FRMD5: variants seen among roughly 807,000 people sequenced by gnomAD.
FRMD5 encodes the protein FERM domain-containing protein 5.
Under a neutral mutation model 69.0 loss-of-function variants are expected in FRMD5, and 20 were observed. The ratio of observed to expected loss-of-function variants is 0.29; its 90% CI spans 0.20 to 0.42. The LOEUF is 0.42. Among genes scored for constraint, FRMD5 ranks in the 10% least tolerant of loss-of-function variants. The probability of loss-of-function intolerance (pLI) is 1.00; values close to 1 mark genes in which losing one functional copy is unlikely to be tolerated. For missense variants in FRMD5, 595 were observed against 708.6 expected (o/e 0.84, Z 1.82); for synonymous variants, 271 against 260.1 (o/e 1.04, Z -0.40).
chr15:44,128,696 T>C (rs190196717), intron 1 of FRMD5, among the ~76,000 whole-genome samples: 33 of 152,192 alleles, frequency 2.2e-4, no homozygotes, highest in Admixed American at 5.2e-4. Context: ...CAGTAAATAA[T>C]ATGACTACTT....
At chr15:44,127,572 T>C (rs1004592111) in intron 1 of FRMD5, among the ~76,000 whole-genome samples, 10 of 152,088 alleles carry the variant, frequency 6.6e-5, no homozygotes, top group African/African-American at 2.2e-4. Context: ...TCAATTATAT[T>C]TATTAATAAA....
chr15:44,011,682 G>A (rs1890728956), intron 1 of FRMD5, among the ~76,000 whole-genome samples: 1 of 152,064 alleles, frequency 6.6e-6, no homozygotes, highest in African/African-American at 2.4e-5. Context: ...GGAAAGAGAA[G>A]GGTAAAGGGC....
intron 1 of FRMD5, among the ~76,000 whole-genome samples, chr15:44,069,264 T>C (rs1291288267): frequency 1.3e-5 from 2 of 152,184 alleles, no homozygotes; most frequent in Non-Finnish European, 2.9e-5. Flanking sequence ...GGGAAACAGT[T>C]TGGCAGTTTC....
intron 1 of FRMD5, among the ~76,000 whole-genome samples, chr15:44,187,156 TGAAGA>T (rs2140592774): frequency 6.6e-6 from 1 of 152,356 alleles, no homozygotes; most frequent in African/African-American, 2.4e-5. Context: ...AAACTGATCC[TGAAGA>T]GAAGAGTCCT....
chr15:43,885,284 C>G (rs1464827611), intron 11 of FRMD5, among the ~76,000 whole-genome samples: 1 of 152,140 alleles, frequency 6.6e-6, no homozygotes, highest in African/African-American at 2.4e-5. Context: ...GCAATTCTCC[C>G]ACCTCAGCCT....
intron 1 of FRMD5, among the ~76,000 whole-genome samples, chr15:44,052,942 G>A (rs1424040314): frequency 6.6e-6 from 1 of 152,216 alleles, no homozygotes; most frequent in East Asian, 1.9e-4. Context: ...TCCATGGTCT[G>A]GTAAGAGAGA....
intron 1 of FRMD5, chr15:43,988,968 T>C (rs1455808855): frequency 7.7e-6 from 5 of 645,906 alleles, no homozygotes; most frequent in Non-Finnish European, 1.4e-5. Flanking sequence ...CAAAACAAAA[T>C]AAAAAAAACA....
chr15:43,883,569 ACCT>A (rs1446295611), intron 13 of FRMD5, 131 bp downstream of exon 13: 4 of 645,006 alleles, frequency 6.2e-6, no homozygotes, highest in African/African-American at 1.8e-5. Flanking sequence ...ACTGGATAAA[ACCT>A]CCTACTTGCC....
intron 6 of FRMD5, among the ~76,000 whole-genome samples, 157 bp from the exon 7 acceptor site, chr15:43,902,419 G>C (rs75349296): frequency 6.6e-6 from 1 of 152,146 alleles, no homozygotes; most frequent in African/African-American, 2.4e-5. Flanking sequence ...CGAGACTCCT[G>C]CTAGAGTCTC....
intron 1 of FRMD5, among the ~76,000 whole-genome samples, chr15:44,011,078 G>A (rs1890696208): frequency 6.6e-6 from 1 of 152,030 alleles, no homozygotes; most frequent in Admixed American, 6.6e-5. Flanking sequence ...GTGGCAGTGG[G>A]GTCTTGTTGC....
intron 8 of FRMD5, 61 bp downstream of exon 8, chr15:43,891,920 C>G: frequency 2.2e-6 from 3 of 1,385,618 alleles, no homozygotes; most frequent in Non-Finnish European, 3.1e-6. Flanking sequence ...GACACGGGAA[C>G]CGTCGCCCCT....
At chr15:43,932,987 A>G (rs187886657) in intron 1 of FRMD5, among the ~76,000 whole-genome samples, 29 of 152,356 alleles carry the variant, frequency 1.9e-4, no homozygotes, top group African/African-American at 5.3e-4. Flanking sequence ...TCTGAAGAAG[A>G]GTTCCATGGT....
intron 4 of FRMD5, among the ~76,000 whole-genome samples, chr15:43,912,604 G>C (rs2089309090): frequency 6.6e-6 from 1 of 152,142 alleles, no homozygotes; most frequent in Admixed American, 6.5e-5. Context: ...GACTAAAGGA[G>C]ATATTACAAA....
At chr15:43,891,624 G>A (rs921053469) in intron 8 of FRMD5, among the ~76,000 whole-genome samples, 3 of 152,164 alleles carry the variant, frequency 2.0e-5, no homozygotes, top group Non-Finnish European at 2.9e-5. Context: ...CAGAACAGCC[G>A]GCTCAACAGG....
At chr15:44,076,736 C>G (rs1224618997) in intron 1 of FRMD5, among the ~76,000 whole-genome samples, 3 of 148,406 alleles carry the variant, frequency 2.0e-5, no homozygotes, top group Admixed American at 6.7e-5. Flanking sequence ...AACTAACCTG[C>G]ACAATGTGCA....
intron 8 of FRMD5, 102 bp from the exon 9 acceptor site, chr15:43,888,974 C>T (rs2088731366): frequency 2.1e-6 from 2 of 955,504 alleles, no homozygotes; most frequent in Non-Finnish European, 1.7e-6. Context: ...GGGCTCCAGG[C>T]ACAGACACAA....
At chr15:43,924,647 C>A (rs1455212981) in intron 1 of FRMD5, among the ~76,000 whole-genome samples, 1 of 152,098 alleles carries the variant, frequency 6.6e-6, no homozygotes, top group Non-Finnish European at 1.5e-5. Flanking sequence ...AATAATTACA[C>A]CAGGCCCAGC....
intron 1 of FRMD5, among the ~76,000 whole-genome samples, chr15:44,002,776 G>A (rs1423756242): frequency 1.3e-5 from 2 of 152,138 alleles, no homozygotes; most frequent in East Asian, 3.8e-4. Flanking sequence ...GGGGCTGTCT[G>A]CCTGTGGATT....
intron 13 of FRMD5, among the ~76,000 whole-genome samples, chr15:43,878,594 T>A (rs1041441969): frequency 1.3e-5 from 2 of 152,230 alleles, no homozygotes; most frequent in Non-Finnish European, 2.9e-5. Context: ...TATGGGTCAC[T>A]GATAAAGCAG....
Sources: allele counts gnomAD v4.1 joint callset (sites outside exome capture counted in the v4.1 genomes callset), GRCh38; gene constraint gnomAD v4.1.1; transcripts MANE v1.5; gene names NCBI Gene and HGNC (gene_info 2026-07-23, HGNC 2026-07-21).